Variants in RSRC1 observed in about 807,000 individuals in gnomAD.
RSRC1 encodes the protein arginine and serine rich coiled-coil 1, also known as serine/Arginine-related protein 53.
RSRC1 carries 39 observed loss-of-function variants against 49.1 expected under a neutral mutation model. The ratio of observed to expected loss-of-function variants is 0.79; its 90% confidence interval spans 0.61 to 1.04. The LOEUF (loss-of-function observed/expected upper bound fraction) is 1.04. RSRC1 is among the 50% of genes least tolerant of loss of function. The probability of loss-of-function intolerance (pLI) is 0.00; values close to 1 mark genes in which losing one functional copy is unlikely to be tolerated. For missense variants in RSRC1, 388 were observed against 402.4 expected, an observed-to-expected ratio of 0.96 and a Z score of 0.31; for synonymous variants, 143 against 130.8, an observed-to-expected ratio of 1.09 and a Z score of -0.63.
At chr3:158,335,792 T>C (rs1291680061) in intron 5 of RSRC1, among the ~76,000 whole-genome samples, 1 of 152,182 alleles carries the variant, frequency 6.6e-6, no homozygotes, top group Non-Finnish European at 1.5e-5. Context: ...AATACAGCTG[T>C]GTATTTGGTG....
At chr3:158,424,203 C>T (rs1395019054) in intron 6 of RSRC1, among the ~76,000 whole-genome samples, 19 of 151,958 alleles carry the variant, frequency 1.3e-4, no homozygotes, top group Non-Finnish European at 2.2e-4. Flanking sequence ...CAGTATGATA[C>T]TGGCTGTGGG....
intron 1 of RSRC1, among the ~76,000 whole-genome samples, chr3:158,121,636 T>C (rs753320938): frequency 1.3e-5 from 2 of 152,180 alleles, no homozygotes; most frequent in African/African-American, 2.4e-5. Context: ...AACTCTAAGA[T>C]AGTAAAATAT....
chr3:158,123,934 G>C lies in RSRC1; in HGVS notation c.263G>C (p.Arg88Thr). Residue 88 changes from arginine to threonine, a missense_variant, in exon 3 of 10, where the codon AGG (arginine) becomes ACG (threonine). Physicochemically the swap from Arg to Thr is moderately conservative, Grantham distance 71. Coordinates refer to ENST00000611884, the MANE Select transcript of RSRC1 (RefSeq NM_001271838.2). ...SRRKRSRSRS[R>T]GRGKSYRVQR... ...AGGAAACGAAGTCGAAGTCGTTCAA[G>C]GGGTCGAGGGAAATCCTATAGAGTT... The C allele has an allele frequency of 6.2e-7, 1 of 1,613,012 alleles. No individual in the cohort carries two copies. The highest frequency in any genetic ancestry group is 8.5e-7 in the Non-Finnish European group (1 of 1,179,328).
At chr3:158,198,780 C>G (rs1720829695) in intron 3 of RSRC1, among the ~76,000 whole-genome samples, 1 of 152,098 alleles carries the variant, frequency 6.6e-6, no homozygotes, top group African/African-American at 2.4e-5. Flanking sequence ...TAGACTGGAG[C>G]TGTTCGTATT....
chr3:158,221,323 G>A (rs16828778), intron 4 of RSRC1, among the ~76,000 whole-genome samples: 11,580 of 151,302 alleles, frequency 0.077, 533 homozygotes, highest in South Asian at 0.13. Context: ...TTGTCAAATG[G>A]TGGTCTATTT....
At position 158,518,148 on chromosome 3, in the gene RSRC1, A is replaced by ATTTTTT. The variant is rs72132266; in HGVS notation, c.653-18929_653-18924dup. Among the ~76,000 whole-genome samples, 143 of 44,130 alleles carry ATTTTTT rather than the reference A, an allele frequency of 3.2e-3. 15 individuals are homozygous for ATTTTTT. Among genetic ancestry groups the ATTTTTT allele is most frequent in the African/African-American group, 0.017 (111 of 6,500 alleles). The allele number at this position is 44,130 out of a possible 152,430, so 29.0% of individuals were successfully genotyped here. On this transcript the variant is annotated intron_variant, in intron 7 of 9. Transcript: ENST00000611884. ...TGTGTATATATATATATATATATAT[A>ATTTTTT]TTTTTTTTTTTTTTTTTTTTACTCC...
intron 5 of RSRC1, among the ~76,000 whole-genome samples, chr3:158,309,181 C>T (rs1727998595): frequency 6.6e-6 from 1 of 151,816 alleles, no homozygotes; most frequent in East Asian, 1.9e-4. Flanking sequence ...CCAACTCTGC[C>T]TTATAGAGAC....
intron 6 of RSRC1, among the ~76,000 whole-genome samples, chr3:158,413,914 G>A (rs772220129): frequency 1.6e-4 from 25 of 152,162 alleles, no homozygotes; most frequent in Non-Finnish European, 3.1e-4. Context: ...AACCATTGTG[G>A]AAGTCAGTGT....
intron 4 of RSRC1, among the ~76,000 whole-genome samples, chr3:158,239,239 A>AG (rs576505630): frequency 0.026 from 3,929 of 152,228 alleles, 154 homozygotes; most frequent in African/African-American, 0.09. Context: ...GTGGAGAAAT[A>AG]GAATGCTTTT....
intron 7 of RSRC1, among the ~76,000 whole-genome samples, chr3:158,466,277 G>A (rs1737887182): frequency 6.6e-6 from 1 of 152,110 alleles, no homozygotes; most frequent in Non-Finnish European, 1.5e-5. Flanking sequence ...AGCCAATTTA[G>A]ATCGCATTTT....
At chr3:158,355,726 C>A (rs957787735) in intron 6 of RSRC1, among the ~76,000 whole-genome samples, 1 of 151,924 alleles carries the variant, frequency 6.6e-6, no homozygotes, top group Non-Finnish European at 1.5e-5. Flanking sequence ...ATGTGCTCTT[C>A]AAAAATGTAT....
intron 4 of RSRC1, among the ~76,000 whole-genome samples, chr3:158,280,230 A>G (rs887983492): frequency 2.0e-5 from 3 of 152,132 alleles, no homozygotes; most frequent in African/African-American, 7.2e-5. Flanking sequence ...ACCCAAGAAG[A>G]AGGCTGTAGC....
intron 6 of RSRC1, 132 bp from the exon 7 acceptor site, chr3:158,460,803 T>C: frequency 2.1e-6 from 1 of 468,884 alleles, no homozygotes; most frequent in Non-Finnish European, 3.9e-6. Flanking sequence ...TTTCAGATGT[T>C]CAACTGCCTT....
At chr3:158,473,048 A>C (rs1221123491) in intron 7 of RSRC1, among the ~76,000 whole-genome samples, 1 of 152,136 alleles carries the variant, frequency 6.6e-6, no homozygotes, top group Non-Finnish European at 1.5e-5. Flanking sequence ...AAATGGGAAC[A>C]CTTTTACACT....
intron 7 of RSRC1, among the ~76,000 whole-genome samples, chr3:158,480,964 T>C (rs983333789): frequency 2.0e-5 from 3 of 152,040 alleles, no homozygotes; most frequent in Non-Finnish European, 4.4e-5. Context: ...CATCTGAATC[T>C]AATTCAACAG....
chr3:158,259,009 C>G (rs1724734636), intron 4 of RSRC1, among the ~76,000 whole-genome samples: 1 of 152,120 alleles, frequency 6.6e-6, no homozygotes, highest in Admixed American at 6.5e-5. Flanking sequence ...ATTTTGAATT[C>G]TGTCTGAAAG....
At chr3:158,376,027 A>T (rs1274376032) in intron 6 of RSRC1, among the ~76,000 whole-genome samples, 2 of 133,150 alleles carry the variant, frequency 1.5e-5, no homozygotes, top group African/African-American at 4.3e-5. Context: ...GTGAGTCTCC[A>T]CTGATTTCTG....
intron 6 of RSRC1, among the ~76,000 whole-genome samples, chr3:158,399,423 TGGGA>T (rs1733788448): frequency 6.8e-6 from 1 of 147,694 alleles, no homozygotes; most frequent in African/African-American, 2.5e-5. Context: ...CCCAAAGTGC[TGGGA>T]TTACAGGCGT....
intron 3 of RSRC1, among the ~76,000 whole-genome samples, chr3:158,176,634 C>T (rs1461498435): frequency 1.3e-5 from 2 of 152,148 alleles, no homozygotes; most frequent in African/African-American, 2.4e-5. Flanking sequence ...ACACCTTATA[C>T]AAAAATTAAT....
Sources: allele counts gnomAD v4.1 joint callset (sites outside exome capture counted in the v4.1 genomes callset), GRCh38; gene constraint gnomAD v4.1.1; transcripts MANE v1.5; gene names NCBI Gene and HGNC (gene_info 2026-07-23, HGNC 2026-07-21).